The following NDUFB6 variants were observed in gnomAD, a reference collection of about 807,000 sequenced individuals.
The protein encoded by NDUFB6 is NADH:ubiquinone oxidoreductase subunit B6.
A neutral mutation model predicts 17.5 loss-of-function variants in NDUFB6; 23 were observed. That is an observed-to-expected ratio of 1.31 (90% confidence interval 0.94 to 1.86). NDUFB6 has a LOEUF of 1.86. NDUFB6 is among the 40% of genes most tolerant of loss of function. NDUFB6 has a pLI of 0.00. For synonymous variants in NDUFB6, 60 were observed against 53.5 expected (o/e 1.12, Z -0.53); for missense variants, 167 against 153.8 (o/e 1.09, Z -0.46).
intron 2 of NDUFB6, among the ~76,000 whole-genome samples, chr9:32,563,491 C>CTTTTTTTTTTTTTTTTTTTTTTTTTTTTT (rs111646430): frequency 1.1e-5 from 1 of 92,002 alleles, no homozygotes; most frequent in African/African-American, 4.4e-5. Flanking sequence ...GACTATTGGG[C>CTTTTTTTTTTTTTTTTTTTTTTTTTTTTT]TTTTTTTTTT....
chr9:32,559,138 G>C (rs1821557588), intron 2 of NDUFB6, among the ~76,000 whole-genome samples, 184 bp from the exon 3 acceptor site: 1 of 152,052 alleles, frequency 6.6e-6, no homozygotes, highest in East Asian at 1.9e-4. Context: ...ACTTAACCAG[G>C]TCCCACACTT....
intron 2 of NDUFB6, among the ~76,000 whole-genome samples, chr9:32,564,086 G>A (rs1311531207): frequency 6.6e-6 from 1 of 152,144 alleles, no homozygotes; most frequent in Non-Finnish European, 1.5e-5. Flanking sequence ...GAGTGGCAAT[G>A]TTTCCAGGTC....
chr9:32,566,154 G>A, intron 2 of NDUFB6: 1 of 691,556 alleles, frequency 1.4e-6, no homozygotes, highest in Non-Finnish European at 2.6e-6. Flanking sequence ...TATGTCACTG[G>A]CGCTTTCACA....
chr9:32,566,231 G>T, intron 2 of NDUFB6: 1 of 897,140 alleles, frequency 1.1e-6, no homozygotes, highest in Non-Finnish European at 1.9e-6. Context: ...CTGGTTTTGT[G>T]GGTGGTTTTC....
intron 2 of NDUFB6, among the ~76,000 whole-genome samples, chr9:32,560,861 G>A (rs1321799014): frequency 1.3e-5 from 2 of 151,914 alleles, no homozygotes; most frequent in African/African-American, 4.8e-5. Context: ...TAAAGAATTA[G>A]GAAAAAAATA....
At position 32,571,048 on chromosome 9, in the gene NDUFB6, T is replaced by C. The variant is rs1050307164; in HGVS notation, c.185A>G (p.His62Arg). The C allele has an allele frequency of 4.4e-6, 7 of 1,597,244 alleles. No homozygotes were observed. The highest frequency in any genetic ancestry group is 6.0e-6 in the Non-Finnish European group (7 of 1,169,382). Residue 62 changes from histidine to arginine, a missense_variant, in exon 2 of 4, where the codon CAT becomes CGT. His to Arg is a conservative substitution (Grantham distance 29). Coordinates refer to ENST00000379847, the MANE Select transcript of NDUFB6 (RefSeq NM_002493.5). ...ENKSPWRKMV[H>R]GVYKKSIFVF... ...AAAGATACTCTTTTTGTATACCCCA[T>C]GGACCTGGGGGGAAAAACACATACA...
At chr9:32,558,180 C>T (rs574744594) in intron 3 of NDUFB6, among the ~76,000 whole-genome samples, 181 of 145,300 alleles carry the variant, frequency 1.2e-3, no homozygotes, top group African/African-American at 1.5e-3. Flanking sequence ...GGCGCAACCT[C>T]GGCTCACTGC....
At chr9:32,570,633 C>T (rs1392356911) in intron 2 of NDUFB6, among the ~76,000 whole-genome samples, 1 of 152,108 alleles carries the variant, frequency 6.6e-6, no homozygotes, top group African/African-American at 2.4e-5. Context: ...ATACGAGATA[C>T]AGGTTTTTAA....
At chr9:32,560,879 A>G (rs1193080315) in intron 2 of NDUFB6, among the ~76,000 whole-genome samples, 1 of 152,172 alleles carries the variant, frequency 6.6e-6, no homozygotes, top group Non-Finnish European at 1.5e-5. Flanking sequence ...ATATGTTTTT[A>G]TATTTGAAAC....
chr9:32,554,431 G>A (rs1000730629), intron 3 of NDUFB6, among the ~76,000 whole-genome samples: 2 of 152,140 alleles, frequency 1.3e-5, no homozygotes, highest in Non-Finnish European at 2.9e-5. Flanking sequence ...TATAGATGTG[G>A]GCAAAAAGGC....
rs746015407 is a variant in NDUFB6 at position 32,570,964 on chromosome 9, A to G, written c.269T>C (p.Val90Ala). ...TTCTGAAAAGGACATACTTACAGAA[A>G]CATGATACTTCATGTAATAATGAAT... ...WIIHYYMKYHVSEKPYGIVEK... is the reference protein window; with the variant it reads ...WIIHYYMKYHASEKPYGIVEK... The change falls in exon 2 of 4, where the codon GTT becomes GCT. Residue 90 changes from valine (V) to alanine (A), a missense_variant. Physicochemically the swap from Val to Ala is moderately conservative, Grantham distance 64. Transcript: ENST00000379847. The G allele has an allele frequency of 2.0e-5, 32 of 1,572,106 alleles. No homozygotes were observed. Among genetic ancestry groups the G allele is most frequent in the Non-Finnish European group, 2.6e-5 (30 of 1,151,668 alleles).
intron 2 of NDUFB6, among the ~76,000 whole-genome samples, chr9:32,564,127 C>T (rs1821708167): frequency 6.6e-6 from 1 of 152,160 alleles, no homozygotes; most frequent in Admixed American, 6.5e-5. Context: ...AGAATATGTA[C>T]ACACAAACAC....
At chr9:32,571,563 C>T (rs1587653240) in intron 1 of NDUFB6, among the ~76,000 whole-genome samples, 1 of 152,170 alleles carries the variant, frequency 6.6e-6, no homozygotes, top group East Asian at 1.9e-4. Context: ...CAAACTCACT[C>T]CAAAATGCCC....
rs1821975663 is a variant in NDUFB6, at chr9:32,572,925, A to G, written c.136T>C (p.Phe46Leu). 1 of 1,604,330 alleles carries G rather than the reference A, an allele frequency of 6.2e-7. No homozygotes were observed. The highest frequency in any genetic ancestry group is 8.5e-7 in the Non-Finnish European group (1 of 1,175,488). The stretch of plus-strand genomic sequence containing the variant: ...TTATTCTCCAAAAATTTATTCCAGA[A>G]TTTCTCCATAGGCCCCATCTTCTGT... The part of the protein sequence containing the change: ...PPQKMGPMEK[F>L]WNKFLENKSP... Residue 46 changes from phenylalanine (F) to leucine (L), a missense_variant, in exon 1 of 4, where the codon TTC becomes CTC. Physicochemically the swap from Phe to Leu is conservative, Grantham distance 22. Coordinates refer to ENST00000379847, the MANE Select transcript of NDUFB6 (RefSeq NM_002493.5).
At chr9:32,557,215 A>G (rs1821487365) in intron 3 of NDUFB6, among the ~76,000 whole-genome samples, 2 of 138,724 alleles carry the variant, frequency 1.4e-5, no homozygotes, top group South Asian at 2.3e-4. Context: ...CCCAGGCTGG[A>G]GTGCAGTGGC....
intron 2 of NDUFB6, among the ~76,000 whole-genome samples, chr9:32,563,176 TCA>T (rs1227716448): frequency 2.0e-5 from 3 of 152,216 alleles, no homozygotes; most frequent in East Asian, 1.9e-4. Context: ...TAACATAATT[TCA>T]GTTTGCCCCA....
intron 2 of NDUFB6, among the ~76,000 whole-genome samples, chr9:32,560,444 C>A (rs933949130): frequency 1.3e-5 from 2 of 151,980 alleles, no homozygotes; most frequent in Non-Finnish European, 2.9e-5. Context: ...TAAGTTAAAC[C>A]CAGAGTATAA....
rs373649750 is a variant in NDUFB6, at chr9:32,558,053, C to T, written c.318+857G>A. 1.2e-4 allele frequency among the ~76,000 whole-genome samples: 18 copies of T among 152,166 alleles called. No individual in the cohort carries two copies. The South Asian group carries it at 3.3e-3, about 28-fold the overall frequency. ...AGTAAATACCAACTGACTACTGAGT[C>T]ACCTTTTAATGCTAAAATAACTCAT... On this transcript the variant is annotated intron_variant, in intron 3 of 3. Coordinates refer to ENST00000379847, the MANE Select transcript of NDUFB6 (RefSeq NM_002493.5).
intron 2 of NDUFB6, chr9:32,566,530 G>C: frequency 1.3e-6 from 1 of 770,596 alleles, no homozygotes; most frequent in Non-Finnish European, 2.4e-6. Context: ...GCCACCCTTG[G>C]CTCCTCTGTT....
Sources: gnomAD v4.1 joint callset for allele counts (sites outside exome capture counted in the v4.1 genomes callset) on GRCh38, gnomAD v4.1.1 for gene constraint, MANE v1.5 for transcripts, NCBI Gene and HGNC (gene_info 2026-07-23, HGNC 2026-07-21) for gene names.